Variants in GRM8 observed in about 807,000 individuals in gnomAD.
GRM8 encodes the protein metabotropic glutamate receptor 8.
A neutral mutation model predicts 87.2 loss-of-function variants in GRM8; 47 were observed. That is an observed-to-expected ratio of 0.54 (90% CI 0.43 to 0.69). The LOEUF (loss-of-function observed/expected upper bound fraction) is 0.69, where lower values mean the gene tolerates loss of function less well. Ranked by LOEUF, GRM8 falls within the 30% of genes least tolerant of loss-of-function variation. The pLI, the probability that GRM8 is intolerant of heterozygous loss-of-function variation, is 0.00. For synonymous variants in GRM8, 396 were observed against 404.5 expected (o/e 0.98, Z 0.25); for missense variants, 1,019 against 1,139.2 (o/e 0.89, Z 1.52).
chr7:126,519,296 C>G (rs2237737), intron 9 of GRM8, among the ~76,000 whole-genome samples: 46,128 of 151,794 alleles, frequency 0.3, 7,658 homozygotes, highest in South Asian at 0.41. Context: ...GTGTTTAGAA[C>G]TTGTATTAAT....
intron 2 of GRM8, among the ~76,000 whole-genome samples, chr7:127,192,868 G>T (rs1795095149): frequency 6.6e-6 from 1 of 152,112 alleles, no homozygotes; most frequent in Non-Finnish European, 1.5e-5. Flanking sequence ...ACCCTGCTCT[G>T]GCCAGACTGA....
At chr7:126,861,130 A>G (rs767663273) in intron 6 of GRM8, among the ~76,000 whole-genome samples, 3 of 152,090 alleles carry the variant, frequency 2.0e-5, no homozygotes, top group African/African-American at 4.8e-5. Flanking sequence ...TTTCCTACCC[A>G]GACATTATTA....
intron 7 of GRM8, among the ~76,000 whole-genome samples, chr7:126,672,632 GA>G (rs1806501536): frequency 6.6e-6 from 1 of 152,162 alleles, no homozygotes; most frequent in Admixed American, 6.5e-5. Flanking sequence ...AAGGAACCCA[GA>G]AGCACAACAT....
At chr7:126,966,185 A>G (rs1364809607) in intron 3 of GRM8, among the ~76,000 whole-genome samples, 1 of 152,070 alleles carries the variant, frequency 6.6e-6, no homozygotes, top group Non-Finnish European at 1.5e-5. Context: ...CCCAGGCTGG[A>G]ATGCAGTGGC....
chr7:126,950,461 T>C (rs1325041815), intron 3 of GRM8, among the ~76,000 whole-genome samples: 2 of 152,126 alleles, frequency 1.3e-5, no homozygotes, highest in South Asian at 4.1e-4. Flanking sequence ...GTTAGTAAAA[T>C]TGGGGATCAT....
intron 10 of GRM8, among the ~76,000 whole-genome samples, chr7:126,441,384 T>C (rs1245944124): frequency 6.6e-6 from 1 of 152,052 alleles, no homozygotes; most frequent in Non-Finnish European, 1.5e-5. Context: ...TACAGAGATA[T>C]TATGCCAAAT....
In GRM8 at chr7:127,214,827, G is replaced by C. The variant is rs1197159435; in HGVS notation, c.510+27868C>G. ...TGTTAAAACCTTTTTTTTCCTTTTT[G>C]AGTTGTCAGTTTTGAATATAATTAT... On this transcript the variant is annotated intron_variant, in intron 2 of 10. Coordinates refer to ENST00000339582, the MANE Select transcript of GRM8 (RefSeq NM_000845.3). Among the ~76,000 whole-genome samples the C allele has an allele frequency of 4.6e-5, 7 of 152,004 alleles. No homozygotes were observed. In the East Asian group the frequency reaches 1.4e-3, roughly 29 times the overall value.
chr7:126,894,505 CT>C (rs569341547), intron 6 of GRM8, among the ~76,000 whole-genome samples: 146 of 152,016 alleles, frequency 9.6e-4, no homozygotes, highest in African/African-American at 3.3e-3. Context: ...GAGCATTTTT[CT>C]GTTTTAAATT....
At chr7:126,956,412 C>A (rs560622783) in intron 3 of GRM8, among the ~76,000 whole-genome samples, 1 of 152,290 alleles carries the variant, frequency 6.6e-6, no homozygotes, top group East Asian at 1.9e-4. Flanking sequence ...TTACACACAG[C>A]ATTATGAATA....
At chr7:126,923,192 ATTTG>A (rs1172631547) in intron 3 of GRM8, among the ~76,000 whole-genome samples, 7 of 152,092 alleles carry the variant, frequency 4.6e-5, no homozygotes, top group East Asian at 1.9e-4. Flanking sequence ...CTGATTGCTT[ATTTG>A]TTTGTTTGTT....
intron 2 of GRM8, among the ~76,000 whole-genome samples, chr7:127,198,902 G>A (rs1315023527): frequency 5.3e-5 from 8 of 149,542 alleles, no homozygotes; most frequent in South Asian, 2.1e-4. Context: ...GTGCAATGGC[G>A]CAATCTCGGC....
intron 2 of GRM8, among the ~76,000 whole-genome samples, chr7:127,127,817 C>T (rs887560019): frequency 3.9e-5 from 6 of 151,958 alleles, no homozygotes; most frequent in African/African-American, 1.2e-4. Flanking sequence ...ATAATCAATG[C>T]CTGGTCTCTC....
intron 6 of GRM8, among the ~76,000 whole-genome samples, chr7:126,803,357 T>G (rs1441150250): frequency 6.6e-6 from 1 of 152,168 alleles, no homozygotes; most frequent in East Asian, 1.9e-4. Flanking sequence ...CTAGTTTAAT[T>G]CTTTCAAAAT....
chr7:126,474,891 C>A (rs904330855), intron 9 of GRM8, among the ~76,000 whole-genome samples: 4 of 152,064 alleles, frequency 2.6e-5, no homozygotes, highest in African/African-American at 9.7e-5. Context: ...ATTATATGAT[C>A]ACCTCAATAG....
At chr7:127,086,267 A>T (rs539907316) in intron 3 of GRM8, among the ~76,000 whole-genome samples, 1 of 152,078 alleles carries the variant, frequency 6.6e-6, no homozygotes, top group Non-Finnish European at 1.5e-5. Flanking sequence ...CACCCATCTA[A>T]TTTTTTGTAT....
chr7:126,553,736 C>T (rs1201459062), intron 8 of GRM8, among the ~76,000 whole-genome samples: 1 of 152,086 alleles, frequency 6.6e-6, no homozygotes, highest in African/African-American at 2.4e-5. Context: ...GATTACAATA[C>T]AAAATATGGT....
At chr7:126,958,060 T>G (rs1425464747) in intron 3 of GRM8, among the ~76,000 whole-genome samples, 1 of 152,124 alleles carries the variant, frequency 6.6e-6, no homozygotes, top group Non-Finnish European at 1.5e-5. Flanking sequence ...ACTTGGTGTC[T>G]CGGGTCTCAG....
At chr7:126,776,043 T>C (rs372878652) in intron 6 of GRM8, among the ~76,000 whole-genome samples, 1 of 152,210 alleles carries the variant, frequency 6.6e-6, no homozygotes, top group African/African-American at 2.4e-5. Flanking sequence ...TAATATTTAA[T>C]GATTTTCTTC....
At chr7:126,714,495 T>C (rs575925886) in intron 7 of GRM8, among the ~76,000 whole-genome samples, 55 of 152,040 alleles carry the variant, frequency 3.6e-4, no homozygotes, top group Non-Finnish European at 7.1e-4. Flanking sequence ...ATTTGCTTAA[T>C]GTCATTCACT....
Sources: allele counts gnomAD v4.1 joint callset (sites outside exome capture counted in the v4.1 genomes callset), GRCh38; gene constraint gnomAD v4.1.1; transcripts MANE v1.5; gene names NCBI Gene and HGNC (gene_info 2026-07-23, HGNC 2026-07-21).